Variants in NRL observed in about 807,000 individuals in gnomAD.
The protein encoded by NRL is neural retina-specific leucine zipper protein.
In NRL, 16 loss-of-function variants were observed where a neutral mutation model predicts 12.5. The ratio of observed to expected loss-of-function variants is 1.28; its 90% confidence interval spans 0.87 to 1.95. The LOEUF is 1.95. NRL is among the 30% of genes most tolerant of loss of function. The pLI is 0.00. For synonymous variants in NRL, 142 were observed against 150.9 expected (o/e 0.94, Z 0.43); for missense variants, 314 against 325.8 (o/e 0.96, Z 0.28).
chr14:24,094,736 G>C lies in NRL; in HGVS notation c.-27-11861C>G, dbSNP rs1189508993. The stretch of plus-strand genomic sequence containing the variant: ...CTCCTCGCTCCTCTCTGCTGAGCCA[G>C]GTCTCCGCATATCCTCCTTTCCTTC... On this transcript the variant is annotated intron_variant, in intron 1 of 2. Coordinates refer to ENST00000561028, the MANE Select transcript of NRL (RefSeq NM_001354768.3). The surrounding 1 kb of genome is among the most constrained non-coding windows in gnomAD (Gnocchi z 4.1). 1.3e-6 allele frequency: 2 copies of C among 1,483,762 alleles called. No individual in the cohort carries two copies. Among genetic ancestry groups the C allele is most frequent in the Admixed American group, 4.1e-5 (2 of 49,132 alleles). 91.9% of individuals were successfully genotyped at this position (1,483,762 alleles called of 1,614,324 possible).
intron 1 of NRL, chr14:24,110,439 G>A (rs2037402230): frequency 1.8e-5 from 4 of 219,504 alleles, no homozygotes; most frequent in African/African-American, 4.7e-5. Context: ...AAACCACATC[G>A]TTTTTGCATC....
In NRL at chr14:24,098,267, CCTT is replaced by C. The variant is rs751483556; in HGVS notation, c.-27-15395_-27-15393del. The C allele has an allele frequency of 1.1e-5, 18 of 1,614,022 alleles. No homozygotes were observed. The Admixed American group carries it at 1.8e-4, about 16-fold the overall frequency. On this transcript the variant is annotated intron_variant, in intron 1 of 2. Coordinates refer to ENST00000561028, the MANE Select transcript of NRL (RefSeq NM_001354768.3). ...AGAGAGCAAGACGGTGATTGTAACT[CCTT>C]CTCAGCGGGACACGGTACCACTCCC...
At chr14:24,096,926 C>T in intron 1 of NRL, 1 of 1,613,098 alleles carries the variant, frequency 6.2e-7, no homozygotes, top group South Asian at 1.1e-5. Flanking sequence ...CTTGGGCTGG[C>T]CATCATGCCG....
chr14:24,081,417 G>C lies in NRL; in HGVS notation c.533C>G (p.Ser178Cys). Residue 178 changes from serine (S) to cysteine (C), a missense_variant, in exon 3 of 3, where the codon TCC becomes TGC. By Grantham distance (112) the Ser-to-Cys change is moderately radical (BLOSUM62 -1). Coordinates refer to ENST00000561028, the MANE Select transcript of NRL (RefSeq NM_001354768.3). This position sits in a 1 kb window ranked among gnomAD's most constrained non-coding sequence, Gnocchi z 4.4. Reference protein sequence around the residue: ...KNRGYAQACRSKRLQQRRGLE... With the variant: ...KNRGYAQACRCKRLQQRRGLE... ...CCCGCGCCGCTGCTGCAGCCGCTTG[G>C]AGCGACAGGCCTGCGCGTAGCCGCG... 2 of 1,525,190 alleles carry C rather than the reference G, an allele frequency of 1.3e-6. No homozygotes were observed. Among genetic ancestry groups the C allele is most frequent in the Non-Finnish European group, 1.8e-6 (2 of 1,138,812 alleles). 94.5% of individuals were successfully genotyped at this position (1,525,190 alleles called of 1,614,324 possible). A position where few individuals can be genotyped will look rare whatever the true frequency, so the allele number is the denominator to read the frequency against.
intron 1 of NRL, chr14:24,103,080 AC>A: frequency 7.9e-7 from 1 of 1,258,576 alleles, no homozygotes; most frequent in Non-Finnish European, 1.2e-6. Context: ...GAGAGAGAGT[AC>A]CAGTCAAGCT....
chr14:24,103,408 C>G, intron 1 of NRL: 1 of 1,226,782 alleles, frequency 8.2e-7, no homozygotes. Context: ...TGAAGATATT[C>G]AGAACCATAA....
At position 24,079,830 on chromosome 14, in the gene NRL, C is replaced by A. The variant is rs1025494271; in HGVS notation, c.*1406G>T. On this transcript the variant is annotated 3_prime_UTR_variant, in exon 3 of 3. Transcript: ENST00000561028. The stretch of plus-strand genomic sequence containing the variant: ...TCTGCCCTCCCCTTAGCCTGCTGAA[C>A]TGGAGGACTGGGTTACCATGGAAAC... 2.0e-5 allele frequency among the ~76,000 whole-genome samples: 3 copies of A among 152,196 alleles called. No homozygotes were observed. Among genetic ancestry groups the A allele is most frequent in the African/African-American group, 7.2e-5 (3 of 41,446 alleles).
intron 1 of NRL, among the ~76,000 whole-genome samples, chr14:24,097,820 C>A (rs969260717): frequency 1.3e-5 from 2 of 152,116 alleles, no homozygotes; most frequent in African/African-American, 4.8e-5. Flanking sequence ...TCTCAAACTC[C>A]TAACCTCAAG....
rs762088 is a variant in NRL, at chr14:24,079,150, C to G, written c.*2086G>C. ...TTTTTTTAAGTATACTCAGGTAACC[C>G]AGGAGTATCATTTTGAGACCCAGGT... On this transcript the variant is annotated 3_prime_UTR_variant, in exon 3 of 3. Transcript: ENST00000561028. 0.03 allele frequency among the ~76,000 whole-genome samples: 4,540 copies of G among 152,144 alleles called. 95 individuals carry two copies. Among genetic ancestry groups the G allele is most frequent in the East Asian group, 0.085 (441 of 5,178 alleles).
At chr14:24,099,410 C>T in intron 1 of NRL, 2 of 994,764 alleles carry the variant, frequency 2.0e-6, no homozygotes, top group Non-Finnish European at 1.5e-6. Flanking sequence ...TTTCCCCTGC[C>T]ACTAACCCAG....
At chr14:24,098,624 G>C in intron 1 of NRL, 1 of 1,614,050 alleles carries the variant, frequency 6.2e-7, no homozygotes, top group Non-Finnish European at 8.5e-7. Flanking sequence ...GGCCCTGGGA[G>C]ATGGTGACTT....
chr14:24,109,279 T>A (rs2037382682), intron 1 of NRL, among the ~76,000 whole-genome samples: 1 of 152,210 alleles, frequency 6.6e-6, no homozygotes, highest in Non-Finnish European at 1.5e-5. Flanking sequence ...TAATTATTTT[T>A]AAAGATATGC....
Position 24,081,633 on chromosome 14 carries a change from C to G in NRL, c.382-65G>C, listed in dbSNP as rs561605269. On this transcript the variant is annotated intron_variant, in intron 2 of 2. Coordinates refer to ENST00000561028, the MANE Select transcript of NRL (RefSeq NM_001354768.3). The surrounding 1 kb of genome is among the most constrained non-coding windows in gnomAD (Gnocchi z 4.4). ...CGCACCCGGCTCTGCCCTGAGGGCCCGACGCTACCTGGCTCCGCCCCGGGA... is the reference window on the plus strand; with the variant it reads ...CGCACCCGGCTCTGCCCTGAGGGCCGGACGCTACCTGGCTCCGCCCCGGGA... 294 of 1,542,440 alleles carry G rather than the reference C, an allele frequency of 1.9e-4. No individual in the cohort carries two copies. Among genetic ancestry groups the G allele is most frequent in the Non-Finnish European group, 2.0e-4 (232 of 1,143,680 alleles).
At chr14:24,097,176 T>C in intron 1 of NRL, 1 of 1,600,066 alleles carries the variant, frequency 6.2e-7, no homozygotes. Context: ...ATAGGTGCAC[T>C]GAGGCCACTT....
At chr14:24,106,611 C>T (rs958846143) in intron 1 of NRL, among the ~76,000 whole-genome samples, 1 of 151,934 alleles carries the variant, frequency 6.6e-6, no homozygotes, top group Non-Finnish European at 1.5e-5. Context: ...ATTCCAGCTA[C>T]TCAGGAAGCT....
rs1235933449 is a variant in NRL at position 24,089,916 on chromosome 14, T to G, written c.-27-7041A>C. Among the ~76,000 whole-genome samples the G allele has an allele frequency of 1.2e-4, 18 of 151,966 alleles. 1 individual carries two copies. Among genetic ancestry groups the G allele is most frequent in the Admixed American group, 1.2e-3 (18 of 15,252 alleles). ...ACATGTTCACAAAACTGAGAAAAGA[T>G]CCACGTAGCCAGAGAGTAGAAAGCC... On this transcript the variant is annotated intron_variant, in intron 1 of 2. Transcript: ENST00000561028.
rs2037025137 is a variant in NRL at position 24,098,934 on chromosome 14, T to A, written c.-28+15788A>T. 9.6e-6 allele frequency: 8 copies of A among 831,456 alleles called. No homozygotes were observed. In the East Asian group the frequency reaches 1.7e-4, roughly 18 times the overall value. 51.5% of individuals were successfully genotyped at this position (831,456 alleles called of 1,614,324 possible). On this transcript the variant is annotated intron_variant, in intron 1 of 2. Transcript: ENST00000561028. The stretch of plus-strand genomic sequence containing the variant: ...TATGAGGTGGGGGGCTTCAGCCACC[T>A]CTTGGTGCTGCTACTGCTCCCAAGT...
chr14:24,106,526 G>C (rs1314188815), intron 1 of NRL, among the ~76,000 whole-genome samples: 1 of 152,110 alleles, frequency 6.6e-6, no homozygotes, highest in Non-Finnish European at 1.5e-5. Context: ...TTTGAGACCA[G>C]CTAGACCAAC....
rs2036273174 is a variant in NRL, at chr14:24,081,255, GGGTCCCCGGACCC to G, written c.682_694del (p.Gly228ProfsTer86). 6.6e-7 allele frequency: 1 copy of G among 1,505,106 alleles called. No individual in the cohort carries two copies. Among genetic ancestry groups the G allele is most frequent in the Non-Finnish European group, 8.9e-7 (1 of 1,125,536 alleles). The allele number at this position is 1,505,106 out of a possible 1,614,324, so 93.2% of individuals were successfully genotyped here. Reference sequence around the variant, plus strand: ...AACGGCTCAGAGGAAGAGGTGGGAGGGGTCCCCGGACCCGGGGCCGCTCGAGGTTAGCCGGTCA... The same window carrying G: ...AACGGCTCAGAGGAAGAGGTGGGAGGGGGGCCGCTCGAGGTTAGCCGGTCA... On this transcript the variant is annotated frameshift_variant, in exon 3 of 3. Coordinates refer to ENST00000561028, the MANE Select transcript of NRL (RefSeq NM_001354768.3). LOFTEE classifies it high-confidence loss of function. The surrounding 1 kb of genome is among the most constrained non-coding windows in gnomAD (Gnocchi z 4.4).
Sources: allele counts gnomAD v4.1 joint callset (sites outside exome capture counted in the v4.1 genomes callset), GRCh38; gene constraint gnomAD v4.1.1; non-coding constraint Gnocchi (gnomAD v3.1); transcripts MANE v1.5; gene names NCBI Gene and HGNC (gene_info 2026-07-23, HGNC 2026-07-21).